TLL1: variants seen among roughly 807,000 people sequenced by gnomAD.
The protein encoded by TLL1 is tolloid-like protein 1.
TLL1 carries 49 observed loss-of-function variants against 128.2 expected under a neutral mutation model. That is an observed-to-expected ratio of 0.38 (90% CI 0.30 to 0.48). The LOEUF (loss-of-function observed/expected upper bound fraction) is 0.48. TLL1 is among the 20% of genes least tolerant of loss of function. TLL1 has a pLI of 0.96. For missense variants in TLL1, 1,123 were observed against 1,242.0 expected (o/e 0.90, Z 1.44); for synonymous variants, 454 against 418.8 (o/e 1.08, Z -1.03).
intron 1 of TLL1, among the ~76,000 whole-genome samples, chr4:165,933,273 T>G (rs991177025): frequency 3.3e-5 from 5 of 152,154 alleles, no homozygotes; most frequent in Non-Finnish European, 5.9e-5. Flanking sequence ...TAGAGCCCAG[T>G]GTTGTCCTGT....
At chr4:165,896,014 A>G (rs906105875) in intron 1 of TLL1, among the ~76,000 whole-genome samples, 1 of 152,128 alleles carries the variant, frequency 6.6e-6, no homozygotes, top group African/African-American at 2.4e-5. Flanking sequence ...TACATGTGCC[A>G]TGGTGGTTTG....
intron 1 of TLL1, among the ~76,000 whole-genome samples, chr4:165,900,970 C>T (rs189730799): frequency 1.3e-5 from 2 of 151,386 alleles, no homozygotes; most frequent in East Asian, 4.0e-4. Flanking sequence ...TGTCTTCATG[C>T]TTTATTTCAT....
At chr4:165,890,025 A>C (rs1165775668) in intron 1 of TLL1, among the ~76,000 whole-genome samples, 1 of 152,150 alleles carries the variant, frequency 6.6e-6, no homozygotes, top group Non-Finnish European at 1.5e-5. Context: ...GGACACTAAC[A>C]GTCATGGCGG....
At chr4:165,919,621 G>T (rs916935752) in intron 1 of TLL1, among the ~76,000 whole-genome samples, 2 of 151,838 alleles carry the variant, frequency 1.3e-5, no homozygotes, top group African/African-American at 4.9e-5. Flanking sequence ...CAAATGAATG[G>T]CAATATGGAG....
chr4:166,001,032 A>C (rs758209393), intron 5 of TLL1, among the ~76,000 whole-genome samples: 47 of 152,176 alleles, frequency 3.1e-4, no homozygotes, highest in Non-Finnish European at 6.0e-4. Flanking sequence ...ATGAAAAAAA[A>C]GGGTAGGGGG....
intron 1 of TLL1, among the ~76,000 whole-genome samples, chr4:165,980,458 A>C (rs1408782335): frequency 6.6e-6 from 1 of 152,136 alleles, no homozygotes; most frequent in Non-Finnish European, 1.5e-5. Context: ...GTAGAAAATT[A>C]ATGGCTGTTG....
intron 1 of TLL1, among the ~76,000 whole-genome samples, chr4:165,932,359 ATGT>A (rs539283534): frequency 1.2e-3 from 183 of 152,364 alleles, no homozygotes; most frequent in Non-Finnish European, 2.0e-3. Context: ...TGATTAAAAA[ATGT>A]TGTGTGAACA....
At chr4:165,995,793 A>G (rs2111020642) in intron 5 of TLL1, among the ~76,000 whole-genome samples, 1 of 152,256 alleles carries the variant, frequency 6.6e-6, no homozygotes, top group East Asian at 1.9e-4. Flanking sequence ...TGCTTATCTA[A>G]TAGGAAAGGA....
chr4:166,061,093 G>A (rs949025647), intron 15 of TLL1, among the ~76,000 whole-genome samples: 1 of 152,106 alleles, frequency 6.6e-6, no homozygotes, highest in African/African-American at 2.4e-5. Flanking sequence ...TTTTGTCTCT[G>A]ATGTATATCA....
In TLL1 at chr4:166,100,996, G is replaced by A. The variant is rs925160463; in HGVS notation, c.*120G>A. 3.9e-5 allele frequency: 50 copies of A among 1,286,998 alleles called. No homozygotes were observed. Among genetic ancestry groups the A allele is most frequent in the Non-Finnish European group, 5.1e-5 (47 of 924,858 alleles). The allele number at this position is 1,286,998 out of a possible 1,614,324, so 79.7% of individuals were successfully genotyped here. A position where few individuals can be genotyped will look rare whatever the true frequency, so the allele number is the denominator to read the frequency against. On this transcript the variant is annotated 3_prime_UTR_variant, in exon 21 of 21. Coordinates refer to ENST00000061240, the MANE Select transcript of TLL1 (RefSeq NM_012464.5). ...CAAAGAGTTTGAACAAAAAATCCCT[G>A]TAAGACCAGAATTATCTTTGTACTA...
chr4:166,060,248 T>C, intron 15 of TLL1, 60 bp downstream of exon 15: 13 of 1,533,040 alleles, frequency 8.5e-6, no homozygotes, highest in Non-Finnish European at 1.2e-5. Flanking sequence ...GAAGGCAAAC[T>C]GTGAAATTAA....
intron 2 of TLL1, among the ~76,000 whole-genome samples, chr4:165,991,383 G>A (rs557683095): frequency 7.2e-5 from 11 of 151,894 alleles, no homozygotes; most frequent in Admixed American, 1.3e-4. Context: ...TATAAATATA[G>A]TTGTTACATA....
At chr4:165,924,069 A>G (rs911507036) in intron 1 of TLL1, among the ~76,000 whole-genome samples, 2 of 152,126 alleles carry the variant, frequency 1.3e-5, no homozygotes, top group Non-Finnish European at 2.9e-5. Context: ...ATTTTCCAGT[A>G]TCTCTCCATT....
chr4:165,998,442 A>C (rs1173176500), intron 5 of TLL1, among the ~76,000 whole-genome samples: 1 of 152,104 alleles, frequency 6.6e-6, no homozygotes, highest in East Asian at 1.9e-4. Context: ...CTAATCTTTA[A>C]ATTTTATGAT....
At chr4:166,052,592 G>A (rs1739795108) in intron 12 of TLL1, among the ~76,000 whole-genome samples, 1 of 152,234 alleles carries the variant, frequency 6.6e-6, no homozygotes, top group South Asian at 2.1e-4. Flanking sequence ...ACCGTGCCTG[G>A]TCATAATATT....
chr4:166,043,132 C>A, intron 11 of TLL1, 142 bp from the exon 12 acceptor site: 3 of 1,046,524 alleles, frequency 2.9e-6, no homozygotes, highest in Non-Finnish European at 4.4e-6. Flanking sequence ...TGCTACATTA[C>A]AACCAGTCAA....
intron 2 of TLL1, among the ~76,000 whole-genome samples, chr4:165,990,532 G>A (rs968541791): frequency 6.6e-6 from 1 of 151,782 alleles, no homozygotes; most frequent in Non-Finnish European, 1.5e-5. Flanking sequence ...TAGAATAGTG[G>A]TATTCTTACT....
In TLL1 at chr4:165,994,377, G is replaced by A. The variant is rs189453005; in HGVS notation, c.362-4G>A. The A allele has an allele frequency of 1.1e-4, 180 of 1,613,908 alleles. No individual in the cohort carries two copies. Among genetic ancestry groups the A allele is most frequent in the Non-Finnish European group, 1.5e-4 (174 of 1,179,854 alleles). ...TTCACAGAATGTTTTAAATGTCACTGCAGGCTTGGAGCAAAACAACACAGT... is the reference window on the plus strand; with the variant it reads ...TTCACAGAATGTTTTAAATGTCACTACAGGCTTGGAGCAAAACAACACAGT... On this transcript the variant is annotated splice_region_variant and splice_polypyrimidine_tract_variant and intron_variant, in intron 3 of 20. Transcript: ENST00000061240.
intron 1 of TLL1, among the ~76,000 whole-genome samples, chr4:165,905,181 A>G (rs1334110029): frequency 3.3e-5 from 5 of 152,352 alleles, no homozygotes; most frequent in South Asian, 2.1e-4. Flanking sequence ...TATACCTGCT[A>G]TGCGATCCAG....
Sources: gnomAD v4.1 joint callset for allele counts (sites outside exome capture counted in the v4.1 genomes callset) on GRCh38, gnomAD v4.1.1 for gene constraint, MANE v1.5 for transcripts, NCBI Gene and HGNC (gene_info 2026-07-23, HGNC 2026-07-21) for gene names.